HHAT: variants seen among roughly 807,000 people sequenced by gnomAD.
HHAT encodes protein-cysteine N-palmitoyltransferase HHAT.
HHAT carries 47 observed loss-of-function variants against 70.8 expected under a neutral mutation model. The observed-to-expected ratio is 0.66, with a 90% CI of 0.53 to 0.85. The LOEUF is 0.85. HHAT is among the 40% of genes least tolerant of loss of function. HHAT has a pLI of 0.00. For missense variants in HHAT, 609 were observed against 604.8 expected, an observed-to-expected ratio of 1.01 and a Z score of -0.07; for synonymous variants, 228 against 247.6, an observed-to-expected ratio of 0.92 and a Z score of 0.74.
rs553995986 is a variant in HHAT, at chr1:210,634,542, C to G, written c.1390+10872C>G. Among the ~76,000 whole-genome samples the G allele has an allele frequency of 2.0e-4, 31 of 152,318 alleles. 1 individual carries two copies. In the South Asian group the frequency reaches 6.2e-3, roughly 31 times the overall value. On this transcript the variant is annotated intron_variant, in intron 11 of 11. Coordinates refer to ENST00000261458, the MANE Select transcript of HHAT (RefSeq NM_018194.6). ...GCACAGCAGCCAAACCATGCCTGGA[C>G]ATTTTCTGGTCACACAGGTCTGTCT... is the stretch of plus-strand genomic sequence containing the variant.
intron 8 of HHAT, among the ~76,000 whole-genome samples, chr1:210,480,268 T>A (rs2094373759): frequency 6.6e-6 from 1 of 152,154 alleles, no homozygotes; most frequent in African/African-American, 2.4e-5. Context: ...CGTATTGAAA[T>A]CCCACGGACA....
intron 10 of HHAT, among the ~76,000 whole-genome samples, chr1:210,608,935 G>C (rs953096268): frequency 6.6e-6 from 1 of 152,080 alleles, no homozygotes; most frequent in Non-Finnish European, 1.5e-5. Context: ...GGGATGCAAG[G>C]CACCTTCTTC....
At chr1:210,329,682 G>A (rs1405976440) in intron 1 of HHAT, among the ~76,000 whole-genome samples, 1 of 152,146 alleles carries the variant, frequency 6.6e-6, no homozygotes, top group African/African-American at 2.4e-5. Context: ...GTAGGGCTAG[G>A]GCATTTGGCA....
At chr1:210,655,153 A>G (rs1676112319) in intron 11 of HHAT, among the ~76,000 whole-genome samples, 1 of 152,212 alleles carries the variant, frequency 6.6e-6, no homozygotes, top group South Asian at 2.1e-4. Context: ...GAGGCCAACA[A>G]TTAACCCCAT....
At chr1:210,621,881 G>C (rs562514513) in intron 10 of HHAT, among the ~76,000 whole-genome samples, 1 of 152,204 alleles carries the variant, frequency 6.6e-6, no homozygotes, top group East Asian at 1.9e-4. Context: ...CCACACTTGC[G>C]TCTGGCAGCA....
intron 8 of HHAT, among the ~76,000 whole-genome samples, chr1:210,500,247 G>A (rs2094727601): frequency 6.6e-6 from 1 of 152,232 alleles, no homozygotes; most frequent in Non-Finnish European, 1.5e-5. Context: ...CACTTGTTGT[G>A]ATGATGTATT....
At chr1:210,427,934 C>G (rs926589261) in intron 7 of HHAT, among the ~76,000 whole-genome samples, 2 of 151,934 alleles carry the variant, frequency 1.3e-5, no homozygotes, top group African/African-American at 2.4e-5. Context: ...CTAAGTCTCT[C>G]TGAAAGTCTC....
At chr1:210,377,967 C>G (rs2090354963) in intron 3 of HHAT, among the ~76,000 whole-genome samples, 1 of 152,180 alleles carries the variant, frequency 6.6e-6, no homozygotes, top group African/African-American at 2.4e-5. Flanking sequence ...AGCATTTTAT[C>G]TTTAAGAAAG....
At chr1:210,350,814 T>C (rs1250007244) in intron 2 of HHAT, among the ~76,000 whole-genome samples, 1 of 152,234 alleles carries the variant, frequency 6.6e-6, no homozygotes, top group Non-Finnish European at 1.5e-5. Context: ...AGAGGGCTTA[T>C]CCTTGCCTTA....
chr1:210,386,162 G>A (rs189414976), intron 3 of HHAT, among the ~76,000 whole-genome samples: 21 of 149,952 alleles, frequency 1.4e-4, no homozygotes, highest in Admixed American at 1.3e-3. Flanking sequence ...GAGGCTTCAA[G>A]TTCCACTTGC....
At chr1:210,629,645 A>G (rs750695707) in intron 11 of HHAT, among the ~76,000 whole-genome samples, 2 of 152,208 alleles carry the variant, frequency 1.3e-5, no homozygotes, top group African/African-American at 4.8e-5. Context: ...TCTGGAGGCT[A>G]TAGGGGAGAA....
intron 3 of HHAT, among the ~76,000 whole-genome samples, chr1:210,373,579 A>G (rs1466656006): frequency 6.6e-6 from 1 of 152,126 alleles, no homozygotes; most frequent in East Asian, 1.9e-4. Flanking sequence ...AGATGGATGA[A>G]GGTTTGTTAT....
rs17016653 is a variant in HHAT at position 210,675,920 on chromosome 1, G to A, written c.*1541G>A. ...GGGGTGCTCAGAAGTTTTAGGAGGGGATGAGCCTCAGGGAGGAGTGAGCAC... is the reference window on the plus strand; with the variant it reads ...GGGGTGCTCAGAAGTTTTAGGAGGGAATGAGCCTCAGGGAGGAGTGAGCAC... On this transcript the variant is annotated 3_prime_UTR_variant, in exon 12 of 12. Transcript: ENST00000261458. 139,149 of 152,226 alleles carry A rather than the reference G, an allele frequency of 0.91. 63,706 individuals carry two copies. Among genetic ancestry groups the A allele is most frequent in the African/African-American group, 0.96 (39,868 of 41,542 alleles). The allele number at this position is 152,226 out of a possible 1,614,324, so 9.4% of individuals were successfully genotyped here.
intron 8 of HHAT, among the ~76,000 whole-genome samples, chr1:210,471,878 A>G (rs1052079347): frequency 1.3e-5 from 2 of 152,160 alleles, no homozygotes; most frequent in African/African-American, 4.8e-5. Context: ...TTTTCAATGC[A>G]TTGTTGTTTA....
Position 210,438,922 on chromosome 1 carries a change from C to G in HHAT, c.856+20597C>G, listed in dbSNP as rs546626960. The stretch of plus-strand genomic sequence containing the variant: ...GAAATGGAGACACAGAGAGGTTCAA[C>G]TTGAGTATCTGTCTGTCTAAGGTCT... On this transcript the variant is annotated intron_variant, in intron 7 of 11. Coordinates refer to ENST00000261458, the MANE Select transcript of HHAT (RefSeq NM_018194.6). 8.6e-5 allele frequency among the ~76,000 whole-genome samples: 13 copies of G among 151,988 alleles called. 1 individual carries two copies. The highest frequency in any genetic ancestry group is 3.2e-4 in the African/African-American group (13 of 41,254).
At chr1:210,410,705 T>C (rs2092519686) in intron 6 of HHAT, among the ~76,000 whole-genome samples, 1 of 151,804 alleles carries the variant, frequency 6.6e-6, no homozygotes, top group South Asian at 2.1e-4. Context: ...TTTGTATTTT[T>C]AGTAGAGACA....
At chr1:210,665,385 C>T (rs1435668026) in intron 11 of HHAT, among the ~76,000 whole-genome samples, 1 of 152,118 alleles carries the variant, frequency 6.6e-6, no homozygotes, top group Non-Finnish European at 1.5e-5. Context: ...TCTTTCCTTC[C>T]TTAGAATGGT....
chr1:210,640,691 C>T (rs11119554), intron 11 of HHAT, among the ~76,000 whole-genome samples: 7,484 of 151,126 alleles, frequency 0.05, 316 homozygotes, highest in African/African-American at 0.11. Flanking sequence ...CACACACGCA[C>T]CCCTTTAGGC....
At chr1:210,454,553 C>T (rs1483556884) in intron 7 of HHAT, among the ~76,000 whole-genome samples, 1 of 151,758 alleles carries the variant, frequency 6.6e-6, no homozygotes, top group African/African-American at 2.4e-5. Flanking sequence ...GACTTTGTCT[C>T]AAAAAAAAGC....
Sources: gnomAD v4.1 joint callset for allele counts (sites outside exome capture counted in the v4.1 genomes callset) on GRCh38, gnomAD v4.1.1 for gene constraint, MANE v1.5 for transcripts, NCBI Gene and HGNC (gene_info 2026-07-23, HGNC 2026-07-21) for gene names.